SLF1: variants seen among roughly 807,000 people sequenced by gnomAD.
SLF1 encodes SMC5-SMC6 complex localization factor protein 1.
SLF1 carries 105 observed loss-of-function variants against 123.0 expected under a neutral mutation model. The ratio of observed to expected loss-of-function variants is 0.85; its 90% CI spans 0.73 to 1.00. SLF1 has a LOEUF of 1.00. Among genes scored for constraint, SLF1 ranks in the 50% least tolerant of loss-of-function variants. SLF1 has a pLI of 0.00. For missense variants in SLF1, 1,239 were observed against 1,223.0 expected, an observed-to-expected ratio of 1.01 and a Z score of -0.20; for synonymous variants, 434 against 406.6, an observed-to-expected ratio of 1.07 and a Z score of -0.81.
chr5:94,636,928 C>T (rs1020723749), intron 4 of SLF1, among the ~76,000 whole-genome samples: 4 of 151,920 alleles, frequency 2.6e-5, no homozygotes, highest in Non-Finnish European at 5.9e-5. Flanking sequence ...CCATGTTGGC[C>T]AGGTTGGTTT....
rs531760271 is a variant in SLF1 at position 94,667,158 on chromosome 5, T to C, written c.1532+1134T>C. 3.3e-5 allele frequency among the ~76,000 whole-genome samples: 5 copies of C among 152,226 alleles called. No individual in the cohort carries two copies. The East Asian group carries it at 9.6e-4, about 29-fold the overall frequency. On this transcript the variant is annotated intron_variant, in intron 12 of 20. Coordinates refer to ENST00000265140, the MANE Select transcript of SLF1 (RefSeq NM_032290.4). ...TGCATTTATTCATTCTTTTAACAAA[T>C]TCTTGAGTACTTACGGAGAGCCAGA...
chr5:94,629,322 C>T (rs927363065), intron 3 of SLF1, among the ~76,000 whole-genome samples, 155 bp downstream of exon 3: 1 of 151,844 alleles, frequency 6.6e-6, no homozygotes, highest in Non-Finnish European at 1.5e-5. Context: ...TGGCTTATTA[C>T]TCTTCTAAGT....
intron 9 of SLF1, among the ~76,000 whole-genome samples, chr5:94,659,471 G>C (rs1010128419): frequency 6.6e-6 from 1 of 152,082 alleles, no homozygotes; most frequent in Non-Finnish European, 1.5e-5. Context: ...TTCAAATTTT[G>C]TGAATTGGTT....
At chr5:94,656,746 GT>G (rs922196572) in intron 9 of SLF1, among the ~76,000 whole-genome samples, 17 of 151,572 alleles carry the variant, frequency 1.1e-4, no homozygotes, top group Non-Finnish European at 2.5e-4. Context: ...TTTCCCCTAA[GT>G]TTTCTGATTC....
intron 15 of SLF1, among the ~76,000 whole-genome samples, chr5:94,683,110 A>T (rs976001909): frequency 2.6e-5 from 4 of 152,016 alleles, no homozygotes; most frequent in Non-Finnish European, 5.9e-5. Context: ...TTTTTTTTTC[A>T]TATCTTTGGA....
In SLF1 at chr5:94,628,851, G is replaced by C. The variant is rs1744902060; in HGVS notation, c.41G>C (p.Gly14Ala). Residue 14 changes from glycine to alanine, a missense_variant, in exon 2 of 21, where the codon GGA becomes GCA. Coordinates refer to ENST00000265140, the MANE Select transcript of SLF1 (RefSeq NM_032290.4). ...CCAAAGCATATCATCCAGATGACAGGATTTAAGATGGAAGAAAAAGAAGCG... is the reference window on the plus strand; with the variant it reads ...CCAAAGCATATCATCCAGATGACAGCATTTAAGATGGAAGAAAAAGAAGCG... ...GTPKHIIQMT[G>A]FKMEEKEALV... The C allele has an allele frequency of 1.9e-6, 3 of 1,550,164 alleles. No individual in the cohort carries two copies. The highest frequency in any genetic ancestry group is 8.7e-7 in the Non-Finnish European group (1 of 1,146,436).
chr5:94,668,483 G>T (rs1031605279), intron 12 of SLF1, among the ~76,000 whole-genome samples: 1 of 151,948 alleles, frequency 6.6e-6, no homozygotes, highest in African/African-American at 2.4e-5. Flanking sequence ...ACAGGCATGC[G>T]CCACCACGCC....
rs559308423 is a variant in SLF1 at position 94,691,754 on chromosome 5, C to T, written c.2512+98C>T. ...AAGAAAAATTATTTAAGTAAATTTACCTAAGGTATCTTAAAAGTATAAGAA... is the reference window on the plus strand; with the variant it reads ...AAGAAAAATTATTTAAGTAAATTTATCTAAGGTATCTTAAAAGTATAAGAA... On this transcript the variant is annotated intron_variant, in intron 19 of 20. Transcript: ENST00000265140. The T allele has an allele frequency of 1.3e-5, 12 of 925,550 alleles. No homozygotes were observed. In the South Asian group the frequency reaches 2.7e-4, roughly 21 times the overall value. 57.3% of individuals were successfully genotyped at this position (925,550 alleles called of 1,614,324 possible).
intron 9 of SLF1, among the ~76,000 whole-genome samples, chr5:94,659,926 C>T (rs1414729321): frequency 1.3e-5 from 2 of 152,058 alleles, no homozygotes; most frequent in African/African-American, 4.8e-5. Flanking sequence ...CCTCGGGCCC[C>T]CAAGTAGCAA....
intron 4 of SLF1, among the ~76,000 whole-genome samples, chr5:94,638,400 C>T (rs1428369658): frequency 2.6e-5 from 4 of 151,910 alleles, no homozygotes; most frequent in Non-Finnish European, 5.9e-5. Context: ...AGGCTAGTCT[C>T]GATCTCTGAC....
chr5:94,695,445 T>A lies in SLF1; in HGVS notation c.*133T>A. The A allele has an allele frequency of 8.8e-7, 1 of 1,142,312 alleles. No individual in the cohort carries two copies. The highest frequency in any genetic ancestry group is 1.2e-6 in the Non-Finnish European group (1 of 867,154). The allele number at this position is 1,142,312 out of a possible 1,614,324, so 70.8% of individuals were successfully genotyped here. On this transcript the variant is annotated 3_prime_UTR_variant, in exon 21 of 21. Coordinates refer to ENST00000265140, the MANE Select transcript of SLF1 (RefSeq NM_032290.4). ...CAGACTTTGCAGCCTTGCTAAATTT[T>A]AAAAGCATTTTTAAAAAAACTTCTA... is the stretch of plus-strand genomic sequence containing the variant.
At chr5:94,661,239 T>C (rs1013499424) in intron 9 of SLF1, among the ~76,000 whole-genome samples, 2 of 152,172 alleles carry the variant, frequency 1.3e-5, no homozygotes, top group African/African-American at 4.8e-5. Context: ...GTTGCTAGGA[T>C]TGCAGGAATT....
chr5:94,689,707 A>T (rs1752862579), intron 18 of SLF1, 101 bp downstream of exon 18: 1 of 1,059,652 alleles, frequency 9.4e-7, no homozygotes, highest in Admixed American at 2.5e-5. Context: ...CTTGAACTTA[A>T]ATATTGGACT....
chr5:94,653,869 A>G (rs1255246933), intron 8 of SLF1, among the ~76,000 whole-genome samples: 2 of 148,602 alleles, frequency 1.3e-5, no homozygotes, highest in East Asian at 3.9e-4. Flanking sequence ...TTTTTTTTTA[A>G]CGATCTAAAC....
intron 20 of SLF1, among the ~76,000 whole-genome samples, chr5:94,694,618 G>C (rs900813376): frequency 1.3e-5 from 2 of 151,802 alleles, no homozygotes; most frequent in Non-Finnish European, 2.9e-5. Context: ...AGGCATGCAC[G>C]TTTGGGGAAA....
At position 94,651,724 on chromosome 5, in the gene SLF1, A is replaced by T; in HGVS notation, c.761A>T (p.Asp254Val). ...RTQKEMQNHE[D>V]VNVGSILIQH... is the part of the protein sequence containing the mutation. ...CAGAAAGAAATGCAAAATCATGAAG[A>T]TGTTAATGTTGGTTCTATTTTGATT... The change falls in exon 7 of 21, where the codon GAT becomes GTT. Residue 254 changes from aspartate to valine, a missense_variant. Coordinates refer to ENST00000265140, the MANE Select transcript of SLF1 (RefSeq NM_032290.4). 2.0e-6 allele frequency: 3 copies of T among 1,521,378 alleles called. No individual in the cohort carries two copies. Among genetic ancestry groups the T allele is most frequent in the South Asian group, 1.3e-5 (1 of 77,740 alleles). 94.2% of individuals were successfully genotyped at this position (1,521,378 alleles called of 1,614,324 possible). A position where few individuals can be genotyped will look rare whatever the true frequency, so the allele number is the denominator to read the frequency against.
intron 5 of SLF1, among the ~76,000 whole-genome samples, chr5:94,645,158 C>T (rs1341036221): frequency 6.6e-6 from 1 of 152,104 alleles, no homozygotes; most frequent in Non-Finnish European, 1.5e-5. Context: ...TATGTAAGAG[C>T]TTCTAGGAAG....
In SLF1 at chr5:94,663,833, G is replaced by C; in HGVS notation, c.1293G>C (p.Glu431Asp). The C allele has an allele frequency of 6.4e-7, 1 of 1,550,802 alleles. No homozygotes were observed. Among genetic ancestry groups the C allele is most frequent in the Non-Finnish European group, 8.7e-7 (1 of 1,146,660 alleles). ...GACATTTTTTTAAAGAAGCAATTGA[G>C]GAACTTTCCACTTTGCAGGCACATT... ...IEGHFFKEAI[E>D]ELSTLQAHYI... Residue 431 changes from glutamate (E) to aspartate (D), a missense_variant, in exon 11 of 21, where the codon GAG becomes GAC. Coordinates refer to ENST00000265140, the MANE Select transcript of SLF1 (RefSeq NM_032290.4).
intron 1 of SLF1, among the ~76,000 whole-genome samples, chr5:94,626,066 A>C (rs1483502242): frequency 6.6e-6 from 1 of 151,598 alleles, no homozygotes; most frequent in Non-Finnish European, 1.5e-5. Flanking sequence ...GTCCTGGCTA[A>C]CACGGTGAAA....
Sources: allele counts gnomAD v4.1 joint callset (sites outside exome capture counted in the v4.1 genomes callset), GRCh38; gene constraint gnomAD v4.1.1; transcripts MANE v1.5; gene names NCBI Gene and HGNC (gene_info 2026-07-23, HGNC 2026-07-21).